The following CDHR2 variants were observed in gnomAD, a reference collection of about 807,000 sequenced individuals.
The protein encoded by CDHR2 is cadherin related family member 2, also known as cadherin-related family member 2.
In CDHR2, 104 loss-of-function variants were observed where a neutral mutation model predicts 138.6. The observed-to-expected ratio is 0.75, with a 90% CI of 0.64 to 0.88. The LOEUF (loss-of-function observed/expected upper bound fraction) is 0.88, where lower values mean the gene tolerates loss of function less well. CDHR2 is among the 40% of genes least tolerant of loss of function. The pLI, the probability that CDHR2 is intolerant of heterozygous loss-of-function variation, is 0.00. For missense variants in CDHR2, 1,624 were observed against 1,727.6 expected (o/e 0.94, Z 1.06); for synonymous variants, 755 against 742.8 (o/e 1.02, Z -0.27).
intron 16 of CDHR2, among the ~76,000 whole-genome samples, chr5:176,579,863 C>T (rs1374621715): frequency 2.6e-5 from 4 of 152,120 alleles, no homozygotes; most frequent in Non-Finnish European, 5.9e-5. Flanking sequence ...ATTCCTGCCC[C>T]CCAGGCGGCT....
upstream of CDHR2, among the ~76,000 whole-genome samples, chr5:176,549,212 G>T (rs998830634): frequency 6.6e-6 from 1 of 152,192 alleles, no homozygotes; most frequent in Non-Finnish European, 1.5e-5. Flanking sequence ...CTCCTGTCCG[G>T]CGCCCCCAGC....
intron 31 of CDHR2, among the ~76,000 whole-genome samples, chr5:176,594,873 G>A (rs371667657): frequency 1.1e-4 from 16 of 152,270 alleles, no homozygotes; most frequent in East Asian, 5.8e-4. Flanking sequence ...ACAGCATGTC[G>A]CATGGCGAGG....
chr5:176,568,739 G>T lies in CDHR2; in HGVS notation c.186G>T (p.Met62Ile), dbSNP rs765026569. ...DQDNDPLTYG[M>I]SGPNAYFFAV... is the part of the protein sequence containing the mutation. ...ACAATGACCCTCTGACCTATGGGAT[G>T]AGCGGCCCCAATGCCTACTTCTTCG... Residue 62 changes from methionine (M) to isoleucine (I), a missense_variant, in exon 4 of 32, where the codon ATG becomes ATT. Transcript: ENST00000261944. 7 of 1,614,124 alleles carry T rather than the reference G, an allele frequency of 4.3e-6. No individual in the cohort carries two copies. The highest frequency in any genetic ancestry group is 4.0e-5 in the African/African-American group (3 of 74,952).
intron 1 of CDHR2, among the ~76,000 whole-genome samples, chr5:176,558,923 A>C (rs1757904858): frequency 6.6e-6 from 1 of 152,238 alleles, no homozygotes. Flanking sequence ...TGGATAGGGC[A>C]TAGCAGGAAT....
At chr5:176,544,337 C>T (rs181663128) in intron 1 of CDHR2, among the ~76,000 whole-genome samples, 3 of 151,420 alleles carry the variant, frequency 2.0e-5, no homozygotes, top group East Asian at 3.9e-4. Context: ...CTTTTCCTTC[C>T]TTCCTTTCTT....
intron 24 of CDHR2, 43 bp downstream of exon 24, chr5:176,589,659 G>T: frequency 1.3e-6 from 2 of 1,565,184 alleles, no homozygotes; most frequent in South Asian, 2.2e-5. Context: ...GAAGAACAGG[G>T]TGTAGGAGCC....
intron 17 of CDHR2, among the ~76,000 whole-genome samples, chr5:176,582,405 C>T (rs935423937): frequency 2.6e-5 from 4 of 152,170 alleles, no homozygotes; most frequent in Admixed American, 6.5e-5. Flanking sequence ...TGGCCTCAAG[C>T]GACCCTCTCA....
intron 21 of CDHR2, among the ~76,000 whole-genome samples, chr5:176,588,272 ATGTG>A (rs1484393477): frequency 7.6e-6 from 1 of 131,466 alleles, no homozygotes; most frequent in Non-Finnish European, 1.8e-5. Flanking sequence ...GTGTATGTGA[ATGTG>A]TGTGACAGTG....
intron 28 of CDHR2, 70 bp from the exon 29 acceptor site, chr5:176,591,140 G>A: frequency 9.5e-7 from 1 of 1,054,246 alleles, no homozygotes; most frequent in East Asian, 2.4e-5. Flanking sequence ...GAAGCCACAG[G>A]CTCAGGGCCT....
Position 176,584,180 on chromosome 5 carries a change from C to G in CDHR2, c.2059-10C>G. On this transcript the variant is annotated splice_polypyrimidine_tract_variant and intron_variant, in intron 17 of 31. Transcript: ENST00000261944. ...GGATCCCGGGGACTCAGACCTGTCT[C>G]TGACTGCAGGACATCAATGATAACC... 6.2e-7 allele frequency: 1 copy of G among 1,613,512 alleles called. No individual in the cohort carries two copies. The highest frequency in any genetic ancestry group is 8.5e-7 in the Non-Finnish European group (1 of 1,179,420).
chr5:176,584,320 G>A (rs1758597588), intron 18 of CDHR2, 61 bp downstream of exon 18: 1 of 1,613,544 alleles, frequency 6.2e-7, no homozygotes, highest in Non-Finnish European at 8.5e-7. Context: ...CTTTGTCAGG[G>A]TGGACCTCGA....
chr5:176,554,083 C>T (rs1757768731), intron 1 of CDHR2, among the ~76,000 whole-genome samples: 1 of 152,200 alleles, frequency 6.6e-6, no homozygotes, highest in Non-Finnish European at 1.5e-5. Flanking sequence ...TGAGTGCAGC[C>T]CTGCCGTTCA....
chr5:176,592,960 G>A (rs1758924846), intron 31 of CDHR2, among the ~76,000 whole-genome samples, 180 bp downstream of exon 31: 1 of 152,184 alleles, frequency 6.6e-6, no homozygotes, highest in Admixed American at 6.5e-5. Context: ...CTGGTTCACT[G>A]TGTGACCCTG....
At chr5:176,560,075 G>T (rs1757931739) in intron 1 of CDHR2, among the ~76,000 whole-genome samples, 1 of 152,148 alleles carries the variant, frequency 6.6e-6, no homozygotes, top group Non-Finnish European at 1.5e-5. Flanking sequence ...AGGCCCCAAA[G>T]ATGTCAAAGC....
chr5:176,559,872 A>G (rs911630825), intron 1 of CDHR2, among the ~76,000 whole-genome samples: 7 of 152,124 alleles, frequency 4.6e-5, no homozygotes, highest in African/African-American at 1.7e-4. Flanking sequence ...TGCTACTGGC[A>G]TCTAGTGGGT....
rs1192831555 is a variant in CDHR2, at chr5:176,577,637, G to T, written c.1351G>T (p.Val451Phe). 1.9e-6 allele frequency: 3 copies of T among 1,614,082 alleles called. No individual in the cohort carries two copies. The highest frequency in any genetic ancestry group is 2.5e-6 in the Non-Finnish European group (3 of 1,180,030). ...CTGCTGCCTCCTCCCCTGCCCCCAG[G>T]TTGTGGCCACAGACTCCGTCAGCCA... The part of the protein sequence containing the change: ...YERQTAMAVQ[V>F]VATDSVSQNF... Residue 451 changes from valine to phenylalanine, a missense_variant and splice_region_variant, in exon 14 of 32, where the codon GTT becomes TTT. Transcript: ENST00000261944.
chr5:176,579,300 A>G (rs1758473823), intron 16 of CDHR2, among the ~76,000 whole-genome samples: 1 of 152,228 alleles, frequency 6.6e-6, no homozygotes, highest in Non-Finnish European at 1.5e-5. Context: ...GCATGTTCCT[A>G]TCCCTGATCT....
intron 6 of CDHR2, among the ~76,000 whole-genome samples, chr5:176,571,778 C>T (rs75183571): frequency 0.19 from 29,217 of 151,662 alleles, 3,139 homozygotes; most frequent in East Asian, 0.47. Flanking sequence ...CCTCGTGATC[C>T]GCACGCCTCG....
intron 30 of CDHR2, among the ~76,000 whole-genome samples, chr5:176,591,994 T>G (rs1758870292): frequency 1.3e-5 from 2 of 148,956 alleles, no homozygotes; most frequent in East Asian, 2.0e-4. Flanking sequence ...GTTGAGGTGA[T>G]GGTGGTGATG....
Sources: gnomAD v4.1 joint callset for allele counts (sites outside exome capture counted in the v4.1 genomes callset) on GRCh38, gnomAD v4.1.1 for gene constraint, MANE v1.5 for transcripts, NCBI Gene and HGNC (gene_info 2026-07-23, HGNC 2026-07-21) for gene names.